Variants in ITPR1 observed in about 807,000 individuals in gnomAD.
ITPR1 encodes the protein inositol 1,4,5-trisphosphate receptor type 1, also known as inositol 1,4,5-trisphosphate-gated calcium channel ITPR1.
Under a neutral mutation model 318.4 loss-of-function variants are expected in ITPR1, and 96 were observed. The ratio of observed to expected loss-of-function variants is 0.30; its 90% CI spans 0.26 to 0.36. The LOEUF (loss-of-function observed/expected upper bound fraction) is 0.36. ITPR1 is among the 10% of genes least tolerant of loss of function. ITPR1 has a pLI of 1.00. For synonymous variants in ITPR1, 1,312 were observed against 1,289.9 expected (o/e 1.02, Z -0.37); for missense variants, 2,440 against 3,460.2 (o/e 0.71, Z 7.40).
chr3:4,757,937 G>T (rs1025475354), intron 44 of ITPR1, among the ~76,000 whole-genome samples: 2 of 152,124 alleles, frequency 1.3e-5, no homozygotes, highest in Non-Finnish European at 2.9e-5. Flanking sequence ...GGCAGGAGTG[G>T]GTTAGTCTGG....
intron 59 of ITPR1, among the ~76,000 whole-genome samples, chr3:4,815,677 A>G (rs564252341): frequency 2.6e-5 from 4 of 152,276 alleles, no homozygotes; most frequent in African/African-American, 7.2e-5. Flanking sequence ...TTTTCAGTAT[A>G]ACTACAGGAA....
intron 20 of ITPR1, chr3:4,671,604 G>C (rs1422779459): frequency 6.6e-6 from 1 of 152,178 alleles, no homozygotes; most frequent in African/African-American, 2.4e-5. Flanking sequence ...CCACCTCCAC[G>C]GTCCCCAGTG....
At position 4,766,638 on chromosome 3, in the gene ITPR1, G is replaced by A; in HGVS notation, c.5653G>A (p.Val1885Met). ...AQQEIKATVT[V>M]NTSDLGNKKK... The stretch of plus-strand genomic sequence containing the variant: ...GCAAGAAATCAAAGCAACAGTGACA[G>A]TGAACACCAGTGACTTGGGAAATAA... Residue 1885 changes from valine to methionine, a missense_variant, in exon 45 of 62, where the codon GTG (valine) becomes ATG (methionine). Around this residue, in one of 23 missense-constraint regions of ITPR1, gnomAD observed 80 missense variants for 122.0 expected, o/e 0.66. Coordinates refer to ENST00000649015, the MANE Select transcript of ITPR1 (RefSeq NM_001378452.1). 1 of 1,613,766 alleles carries A rather than the reference G, an allele frequency of 6.2e-7. No individual in the cohort carries two copies. The highest frequency in any genetic ancestry group is 8.5e-7 in the Non-Finnish European group (1 of 1,179,704).
intron 44 of ITPR1, among the ~76,000 whole-genome samples, chr3:4,741,555 T>G (rs1042926664): frequency 4.7e-4 from 72 of 152,266 alleles, no homozygotes; most frequent in African/African-American, 1.5e-3. Flanking sequence ...CTCTTTTTTT[T>G]TTTTTGAGGT....
intron 42 of ITPR1, among the ~76,000 whole-genome samples, chr3:4,729,913 T>C (rs2042781407): frequency 1.4e-5 from 2 of 142,306 alleles, no homozygotes; most frequent in Non-Finnish European, 3.1e-5. Flanking sequence ...AGAAGTGACG[T>C]TATTTTAGAA....
chr3:4,497,261 T>A (rs2080662417), intron 2 of ITPR1, among the ~76,000 whole-genome samples: 1 of 152,208 alleles, frequency 6.6e-6, no homozygotes, highest in Non-Finnish European at 1.5e-5. Context: ...ACTTTGAGAT[T>A]TCTAAATTGG....
chr3:4,608,801 C>T (rs1360639087), intron 4 of ITPR1, among the ~76,000 whole-genome samples: 1 of 151,402 alleles, frequency 6.6e-6, no homozygotes, highest in Non-Finnish European at 1.5e-5. Flanking sequence ...CAGGAGTTTC[C>T]GACCAGCCTG....
rs1264613344 is a variant in ITPR1, at chr3:4,516,575, C to T, written c.84C>T (p.Ser28=). The change falls in exon 3 of 62, where the codon AGC becomes AGT. Residue 28 remains serine (S), a synonymous_variant. Transcript: ENST00000649015. ...YAEGSTNGFI[S]TLGLVDDRCV... ...AGGGATCGACAAATGGATTTATTAGCACCTTGGGGTAAGAGCATGCAATTT... is the reference window on the plus strand; with the variant it reads ...AGGGATCGACAAATGGATTTATTAGTACCTTGGGGTAAGAGCATGCAATTT... 1 of 1,594,194 alleles carries T rather than the reference C, an allele frequency of 6.3e-7. No individual in the cohort carries two copies.
chr3:4,702,714 T>G, intron 35 of ITPR1, 116 bp from the exon 36 acceptor site: 1 of 1,119,298 alleles, frequency 8.9e-7, no homozygotes, highest in Non-Finnish European at 1.3e-6. Flanking sequence ...CAAGGCAGTG[T>G]CTGTCTCTGA....
intron 4 of ITPR1, among the ~76,000 whole-genome samples, chr3:4,610,199 CCTT>C (rs1440685301): frequency 2.6e-5 from 4 of 152,132 alleles, no homozygotes; most frequent in Non-Finnish European, 5.9e-5. Flanking sequence ...AAATGAGAAA[CCTT>C]CTTACTGCCT....
At chr3:4,532,120 C>G (rs2083463461) in intron 4 of ITPR1, among the ~76,000 whole-genome samples, 1 of 152,200 alleles carries the variant, frequency 6.6e-6, no homozygotes, top group Non-Finnish European at 1.5e-5. Context: ...ATGGTTTTGA[C>G]TTAGCCCTTC....
chr3:4,710,268 C>G lies in ITPR1; in HGVS notation c.4843-57C>G. ...TTTAGGGCAGAAATCAATGTCCTCA[C>G]CCTCCTGTGGTCAGCGTCTGCCTGA... On this transcript the variant is annotated intron_variant, in intron 37 of 61. Transcript: ENST00000649015. The surrounding 1 kb of genome is among the most constrained non-coding windows in gnomAD (Gnocchi z 4.2). 1 of 1,441,136 alleles carries G rather than the reference C, an allele frequency of 6.9e-7. No individual in the cohort carries two copies. The highest frequency in any genetic ancestry group is 9.2e-7 in the Non-Finnish European group (1 of 1,085,982). 89.3% of individuals were successfully genotyped at this position (1,441,136 alleles called of 1,614,324 possible). A position where few individuals can be genotyped will look rare whatever the true frequency, so the allele number is the denominator to read the frequency against.
At position 4,644,168 on chromosome 3, in the gene ITPR1, C is replaced by T. The variant is rs377387496; in HGVS notation, c.558C>T (p.Pro186=). The part of the protein sequence containing the change: ...VVIGDKVVLN[P]VNAGQPLHAS... Reference sequence around the variant, plus strand: ...TAGGTGACAAGGTGGTTCTGAACCCCGTCAATGCTGGTCAGCCCCTACATG... The same window carrying T: ...TAGGTGACAAGGTGGTTCTGAACCCTGTCAATGCTGGTCAGCCCCTACATG... The change falls in exon 8 of 62, where the codon CCC becomes CCT. Residue 186 remains proline, a synonymous_variant. Transcript: ENST00000649015. 18 of 1,611,830 alleles carry T rather than the reference C, an allele frequency of 1.1e-5. No individual in the cohort carries two copies. Among genetic ancestry groups the T allele is most frequent in the South Asian group, 2.2e-5 (2 of 90,360 alleles).
At chr3:4,608,402 T>A (rs1341612280) in intron 4 of ITPR1, among the ~76,000 whole-genome samples, 3 of 152,130 alleles carry the variant, frequency 2.0e-5, no homozygotes, top group Non-Finnish European at 4.4e-5. Flanking sequence ...GAGACACGAT[T>A]CAGAAGGGTC....
At chr3:4,631,978 A>G (rs1228133579) in intron 5 of ITPR1, among the ~76,000 whole-genome samples, 2 of 152,198 alleles carry the variant, frequency 1.3e-5, no homozygotes, top group African/African-American at 4.8e-5. Flanking sequence ...ACTTATGTGA[A>G]TATCCAGCTG....
chr3:4,839,837 G>A (rs1238452501), intron 61 of ITPR1, among the ~76,000 whole-genome samples: 2 of 152,066 alleles, frequency 1.3e-5, no homozygotes, highest in Non-Finnish European at 2.9e-5. Context: ...TTATTTTGAA[G>A]TTGGCAGTTG....
chr3:4,521,497 C>T (rs1251369764), intron 4 of ITPR1, among the ~76,000 whole-genome samples: 1 of 152,186 alleles, frequency 6.6e-6, no homozygotes, highest in East Asian at 1.9e-4. Context: ...AATGATACCT[C>T]ACTGAATGTC....
intron 4 of ITPR1, among the ~76,000 whole-genome samples, chr3:4,579,622 A>G (rs778563038): frequency 7.9e-5 from 12 of 152,234 alleles, no homozygotes; most frequent in African/African-American, 9.6e-5. Context: ...CCCTTTAAAC[A>G]AAAAGCCTGT....
chr3:4,744,637 T>G (rs2125334424), intron 44 of ITPR1, among the ~76,000 whole-genome samples: 1 of 152,370 alleles, frequency 6.6e-6, no homozygotes, highest in African/African-American at 2.4e-5. Flanking sequence ...TTTGGCCCTT[T>G]GGAAAAATGT....
Sources: allele counts gnomAD v4.1 joint callset (sites outside exome capture counted in the v4.1 genomes callset), GRCh38; gene constraint gnomAD v4.1.1; regional missense constraint gnomAD v4.1.1; non-coding constraint Gnocchi (gnomAD v3.1); transcripts MANE v1.5; gene names NCBI Gene and HGNC (gene_info 2026-07-23, HGNC 2026-07-21).